The following CPED1 variants were observed in gnomAD, a reference collection of about 807,000 sequenced individuals.
CPED1 encodes cadherin like and PC-esterase domain containing 1.
Under a neutral mutation model 128.2 loss-of-function variants are expected in CPED1, and 114 were observed. That is an observed-to-expected ratio of 0.89 (90% CI 0.76 to 1.04). CPED1 has a LOEUF of 1.04. Ranked by LOEUF, CPED1 falls within the 50% of genes least tolerant of loss-of-function variation. The pLI is 0.00. For missense variants in CPED1, 1,211 were observed against 1,207.1 expected, an observed-to-expected ratio of 1.00 and a Z score of -0.05; for synonymous variants, 462 against 426.7, an observed-to-expected ratio of 1.08 and a Z score of -1.02.
At chr7:121,215,035 T>C (rs1259365241) in intron 16 of CPED1, among the ~76,000 whole-genome samples, 1 of 152,086 alleles carries the variant, frequency 6.6e-6, no homozygotes, top group African/African-American at 2.4e-5. Flanking sequence ...TAATAGTGGA[T>C]GGCAAGCCTT....
chr7:121,082,225 T>C (rs1255135713), intron 5 of CPED1, among the ~76,000 whole-genome samples: 1 of 152,172 alleles, frequency 6.6e-6, no homozygotes, highest in Non-Finnish European at 1.5e-5. Flanking sequence ...TATAGAGTTA[T>C]GAAAATGCTT....
At chr7:121,119,191 G>A (rs1387954219) in intron 7 of CPED1, among the ~76,000 whole-genome samples, 2 of 148,910 alleles carry the variant, frequency 1.3e-5, no homozygotes, top group African/African-American at 5.0e-5. Flanking sequence ...GTTTAAATTT[G>A]CAAACTTTTT....
At chr7:121,083,371 T>A (rs1262916103) in intron 5 of CPED1, among the ~76,000 whole-genome samples, 1 of 152,122 alleles carries the variant, frequency 6.6e-6, no homozygotes, top group African/African-American at 2.4e-5. Flanking sequence ...GGCCAAGAAT[T>A]AGTTGTCCTA....
At chr7:121,257,517 T>C (rs2116726127) in intron 18 of CPED1, among the ~76,000 whole-genome samples, 1 of 152,080 alleles carries the variant, frequency 6.6e-6, no homozygotes, top group South Asian at 2.1e-4. Context: ...AGATATTTTT[T>C]TTTTATTCAG....
rs547045926 is a variant in CPED1, at chr7:121,229,192, T to C, written c.2056-7522T>C. Reference sequence around the variant, plus strand: ...GTAAGAAAATTTCACATGTACCTCATAAATCTGTACAAATTTTTAAAATAG... The same window carrying C: ...GTAAGAAAATTTCACATGTACCTCACAAATCTGTACAAATTTTTAAAATAG... On this transcript the variant is annotated intron_variant, in intron 16 of 22. Coordinates refer to ENST00000310396, the MANE Select transcript of CPED1 (RefSeq NM_024913.5). Among the ~76,000 whole-genome samples, 5 of 152,186 alleles carry C rather than the reference T, an allele frequency of 3.3e-5. No homozygotes were observed. In the South Asian group the frequency reaches 1.0e-3, roughly 32 times the overall value.
At chr7:121,072,001 T>C (rs1403575796) in intron 5 of CPED1, among the ~76,000 whole-genome samples, 2 of 152,092 alleles carry the variant, frequency 1.3e-5, no homozygotes, top group Non-Finnish European at 2.9e-5. Context: ...TCAGATGACA[T>C]TTTTGGTAAT....
chr7:121,006,950 A>G (rs1440235286), intron 2 of CPED1, among the ~76,000 whole-genome samples: 2 of 152,152 alleles, frequency 1.3e-5, no homozygotes, highest in African/African-American at 2.4e-5. Context: ...CATTGGTTGA[A>G]ACGAATGAGC....
At chr7:121,048,098 C>A (rs1343871152) in intron 4 of CPED1, among the ~76,000 whole-genome samples, 1 of 152,084 alleles carries the variant, frequency 6.6e-6, no homozygotes. Context: ...CTTTTCTCTG[C>A]CCATTCTTTG....
chr7:121,133,760 A>T, intron 12 of CPED1, 63 bp from the exon 13 acceptor site: 2 of 1,068,698 alleles, frequency 1.9e-6, no homozygotes, highest in Non-Finnish European at 2.8e-6. Context: ...AGTGTGTTAG[A>T]TGTAATTTCC....
chr7:120,989,602 C>T lies in CPED1; in HGVS notation c.-20C>T. The T allele has an allele frequency of 6.2e-7, 1 of 1,611,872 alleles. No individual in the cohort carries two copies. The highest frequency in any genetic ancestry group is 8.5e-7 in the Non-Finnish European group (1 of 1,179,012). ...CTTTTCCCGCAACGTGGACAGGGGC[C>T]AAGTGAAGCTGAACTGGTCATGGTC... On this transcript the variant is annotated 5_prime_UTR_variant, in exon 2 of 23. An upstream open reading frame in the 5' UTR gains an earlier in-frame stop. Coordinates refer to ENST00000310396, the MANE Select transcript of CPED1 (RefSeq NM_024913.5).
chr7:121,152,423 A>G (rs1470460378), intron 16 of CPED1, among the ~76,000 whole-genome samples: 1 of 152,230 alleles, frequency 6.6e-6, no homozygotes, highest in Non-Finnish European at 1.5e-5. Context: ...ATTTTCTTTG[A>G]GTGAAATAAT....
chr7:121,168,659 G>A (rs1299989377), intron 16 of CPED1, among the ~76,000 whole-genome samples: 1 of 152,102 alleles, frequency 6.6e-6, no homozygotes, highest in African/African-American at 2.4e-5. Flanking sequence ...AGCCTATTGT[G>A]ATATCAAATA....
At position 121,130,162 on chromosome 7, in the gene CPED1, T is replaced by C. The variant is rs1795625885; in HGVS notation, c.1445T>C (p.Met482Thr). The part of the protein sequence containing the change: ...PSTTPGIQSL[M>T]HEFYDVANPV... ...ACTACTCCTGGGATTCAGTCACTGA[T>C]GCATGAATTTTATGATGTGGCAAAT... is the stretch of plus-strand genomic sequence containing the variant. The change falls in exon 12 of 23, where the codon ATG becomes ACG. Residue 482 changes from methionine to threonine, a missense_variant. Transcript: ENST00000310396. The C allele has an allele frequency of 1.2e-6, 2 of 1,613,136 alleles. No homozygotes were observed. The highest frequency in any genetic ancestry group is 3.3e-4 in the Middle Eastern group (2 of 6,056).
intron 16 of CPED1, among the ~76,000 whole-genome samples, chr7:121,160,953 G>A (rs928114713): frequency 7.9e-5 from 12 of 152,068 alleles, no homozygotes; most frequent in Non-Finnish European, 1.6e-4. Context: ...GAGGTCAACA[G>A]GGATGACCCC....
intron 18 of CPED1, among the ~76,000 whole-genome samples, chr7:121,250,469 A>G (rs1798643847): frequency 6.6e-6 from 1 of 152,156 alleles, no homozygotes; most frequent in African/African-American, 2.4e-5. Context: ...AATAACTAAG[A>G]TCAGAGCAGA....
At position 121,244,227 on chromosome 7, in the gene CPED1, T is replaced by C; in HGVS notation, c.2199T>C (p.Ser733=). The C allele has an allele frequency of 1.2e-6, 2 of 1,614,194 alleles. No individual in the cohort carries two copies. Among genetic ancestry groups the C allele is most frequent in the Non-Finnish European group, 1.7e-6 (2 of 1,180,026 alleles). The change falls in exon 18 of 23, where the codon AGT becomes AGC. Residue 733 remains serine (S), a synonymous_variant. Coordinates refer to ENST00000310396, the MANE Select transcript of CPED1 (RefSeq NM_024913.5). ...GCCAGTGGATTGTGCCTTGCCTTAG[T>C]TGTTCGGACAACAGGACGTGTGACT... ...MKGQWIVPCL[S]CSDNRTCDWR... is the part of the protein sequence containing the mutation.
intron 3 of CPED1, among the ~76,000 whole-genome samples, chr7:121,041,892 T>C (rs1793063851): frequency 1.3e-5 from 2 of 152,180 alleles, no homozygotes; most frequent in African/African-American, 4.8e-5. Flanking sequence ...TGAGAAGTTT[T>C]CATCTTTTCC....
intron 5 of CPED1, among the ~76,000 whole-genome samples, chr7:121,096,571 AAATCCGCCACT>A (rs1794703993): frequency 6.6e-6 from 1 of 152,172 alleles, no homozygotes; most frequent in South Asian, 2.1e-4. Context: ...ATACCAATAC[AAATCCGCCACT>A]AGACAAACTT....
chr7:121,137,792 G>C (rs187307927), intron 14 of CPED1, among the ~76,000 whole-genome samples: 3 of 152,144 alleles, frequency 2.0e-5, no homozygotes, highest in African/African-American at 7.2e-5. Flanking sequence ...GAGTATGGTG[G>C]GAAAAGGACT....
Sources: gnomAD v4.1 joint callset for allele counts (sites outside exome capture counted in the v4.1 genomes callset) on GRCh38, gnomAD v4.1.1 for gene constraint, MANE v1.5 for transcripts, NCBI Gene and HGNC (gene_info 2026-07-23, HGNC 2026-07-21) for gene names.